The following DSCAM variants were observed in gnomAD, a reference collection of about 807,000 sequenced individuals.
The protein encoded by DSCAM is cell adhesion molecule DSCAM.
A neutral mutation model predicts 217.7 loss-of-function variants in DSCAM; 47 were observed. The observed-to-expected ratio is 0.22, with a 90% confidence interval of 0.17 to 0.28. The LOEUF (loss-of-function observed/expected upper bound fraction) is 0.28, where lower values mean the gene tolerates loss of function less well. DSCAM is among the 10% of genes least tolerant of loss of function. The probability of loss-of-function intolerance (pLI) is 1.00; values close to 1 mark genes in which losing one functional copy is unlikely to be tolerated. For synonymous variants in DSCAM, 1,056 were observed against 1,015.3 expected, an observed-to-expected ratio of 1.04 and a Z score of -0.76; for missense variants, 2,080 against 2,618.3, an observed-to-expected ratio of 0.79 and a Z score of 4.49.
At chr21:40,296,256 T>C in intron 9 of DSCAM, 82 bp from the exon 10 acceptor site, 1 of 1,449,580 alleles carries the variant, frequency 6.9e-7, no homozygotes, top group Non-Finnish European at 9.5e-7. Context: ...CTGAATCATT[T>C]TAATGAATAT....
At chr21:40,637,172 T>A (rs1267701450) in intron 3 of DSCAM, among the ~76,000 whole-genome samples, 15 of 27,948 alleles carry the variant, frequency 5.4e-4, no homozygotes, top group Non-Finnish European at 8.3e-4. Context: ...TATAAATATA[T>A]ATATAAATAT....
intron 3 of DSCAM, among the ~76,000 whole-genome samples, chr21:40,684,117 C>T (rs9977401): frequency 6.6e-6 from 1 of 151,092 alleles, no homozygotes; most frequent in African/African-American, 2.4e-5. Context: ...CCAGCTACTC[C>T]GGAGGCTGAG....
At chr21:40,223,655 A>G (rs2091307691) in intron 11 of DSCAM, among the ~76,000 whole-genome samples, 1 of 152,224 alleles carries the variant, frequency 6.6e-6, no homozygotes, top group East Asian at 1.9e-4. Context: ...TAAGTCATCA[A>G]TAGCGGTTGT....
chr21:40,013,103 T>A lies in DSCAM; in HGVS notation c.5970A>T (p.Glu1990Asp). The change falls in exon 33 of 33, where the codon GAA (glutamate) becomes GAT (aspartate). Residue 1990 changes from glutamate to aspartate, a missense_variant. Transcript: ENST00000400454. ...GQAAKMSSSQESLLDSRGHLK... is the reference protein window; with the variant it reads ...GQAAKMSSSQDSLLDSRGHLK... ...AATGGCCCCGGGAGTCGAGCAGTGA[T>A]TCTTGGGAGCTGCTCATTTTAGCTG... 6.2e-7 allele frequency: 1 copy of A among 1,602,436 alleles called. No homozygotes were observed.
chr21:40,088,046 C>T (rs993196981), intron 21 of DSCAM, among the ~76,000 whole-genome samples: 1 of 152,198 alleles, frequency 6.6e-6, no homozygotes, highest in Admixed American at 6.5e-5. Context: ...CACAAGTCTT[C>T]CAGAGGAAAA....
chr21:40,483,370 A>C (rs1273395398), intron 3 of DSCAM, among the ~76,000 whole-genome samples: 5 of 152,204 alleles, frequency 3.3e-5, no homozygotes, highest in Non-Finnish European at 7.4e-5. Flanking sequence ...TTATGATATT[A>C]CTGTGGGTTA....
chr21:40,400,600 A>G (rs2075224833), intron 3 of DSCAM, among the ~76,000 whole-genome samples: 1 of 152,222 alleles, frequency 6.6e-6, no homozygotes, highest in African/African-American at 2.4e-5. Flanking sequence ...CTTTTGTTGT[A>G]GAGACAAGGT....
intron 3 of DSCAM, among the ~76,000 whole-genome samples, chr21:40,544,800 T>C (rs563603512): frequency 6.6e-6 from 1 of 152,314 alleles, no homozygotes; most frequent in South Asian, 2.1e-4. Context: ...CAATTGAACC[T>C]TTCCAAATGA....
At chr21:40,346,883 C>T (rs1334279537) in intron 6 of DSCAM, among the ~76,000 whole-genome samples, 6 of 152,154 alleles carry the variant, frequency 3.9e-5, no homozygotes, top group Admixed American at 2.0e-4. Flanking sequence ...CCACTGGAGG[C>T]TATTGCCCCC....
chr21:40,790,894 C>T (rs2091636728), intron 1 of DSCAM, among the ~76,000 whole-genome samples: 1 of 151,980 alleles, frequency 6.6e-6, no homozygotes, highest in Admixed American at 6.6e-5. Context: ...TACATTCAAT[C>T]GGCCAGGTGC....
At chr21:40,170,071 G>A (rs2090639163) in intron 15 of DSCAM, among the ~76,000 whole-genome samples, 6 of 152,098 alleles carry the variant, frequency 3.9e-5, no homozygotes, top group Non-Finnish European at 1.5e-5. Flanking sequence ...GCACCTCGCC[G>A]TCCTCTCCAC....
chr21:40,620,073 AAG>A lies in DSCAM; in HGVS notation c.508+72735_508+72736del, dbSNP rs1238640098. On this transcript the variant is annotated intron_variant, in intron 3 of 32. Transcript: ENST00000400454. Reference sequence around the variant, plus strand: ...AAAAAGAAAAAGAAAGAAAGAGAGAAAGAGAAAAAAGAAAGAGAGAGAAAGAG... The same window carrying A: ...AAAAAGAAAAAGAAAGAAAGAGAGAAAGAAAAAAGAAAGAGAGAGAAAGAG... Among the ~76,000 whole-genome samples, 11 of 68,564 alleles carry A rather than the reference AAG, an allele frequency of 1.6e-4. 1 individual carries two copies. The highest frequency in any genetic ancestry group is 1.9e-4 in the Non-Finnish European group (6 of 32,196). The allele number at this position is 68,564 out of a possible 152,430, so 45.0% of individuals were successfully genotyped here.
At chr21:40,791,252 G>A (rs2091640121) in intron 1 of DSCAM, among the ~76,000 whole-genome samples, 2 of 152,116 alleles carry the variant, frequency 1.3e-5, no homozygotes, top group African/African-American at 2.4e-5. Flanking sequence ...ACGGCTGGAT[G>A]GCAGGTTGTG....
rs1315758508 is a variant in DSCAM at position 40,348,541 on chromosome 21, CATT to C, written c.935-599_935-597del. ...TATCCCATAAAGTTCCTATCAGCCA[CATT>C]ATTGCAATCATACTCCTAACAGTTC... On this transcript the variant is annotated intron_variant, in intron 5 of 32. Coordinates refer to ENST00000400454, the MANE Select transcript of DSCAM (RefSeq NM_001389.5). 5.9e-5 allele frequency among the ~76,000 whole-genome samples: 9 copies of C among 152,290 alleles called. No homozygotes were observed. The East Asian group carries it at 1.7e-3, about 29-fold the overall frequency.
intron 20 of DSCAM, among the ~76,000 whole-genome samples, chr21:40,109,437 T>C (rs2089865836): frequency 6.6e-6 from 1 of 152,136 alleles, no homozygotes; most frequent in Non-Finnish European, 1.5e-5. Context: ...ATCAGTGGTG[T>C]GGAGCCAAGA....
At chr21:40,694,613 T>C (rs1449254669) in intron 2 of DSCAM, among the ~76,000 whole-genome samples, 2 of 151,774 alleles carry the variant, frequency 1.3e-5, no homozygotes, top group Admixed American at 6.6e-5. Context: ...ACCAGAGAGA[T>C]TTTTCCAAGT....
At chr21:40,641,285 C>G (rs2089875657) in intron 3 of DSCAM, among the ~76,000 whole-genome samples, 1 of 151,952 alleles carries the variant, frequency 6.6e-6, no homozygotes, top group Non-Finnish European at 1.5e-5. Context: ...ACGTTTAAAT[C>G]TACCTCACGG....
chr21:40,591,125 A>C (rs2076981507), intron 3 of DSCAM, among the ~76,000 whole-genome samples: 1 of 152,082 alleles, frequency 6.6e-6, no homozygotes, highest in African/African-American at 2.4e-5. Flanking sequence ...TGTTTGGTAG[A>C]ACTTCCTGCA....
At chr21:40,263,112 C>G (rs751740584) in intron 11 of DSCAM, among the ~76,000 whole-genome samples, 1 of 152,256 alleles carries the variant, frequency 6.6e-6, no homozygotes, top group Non-Finnish European at 1.5e-5. Flanking sequence ...TAAAATATGT[C>G]TAAGTCCAAA....
Sources: gnomAD v4.1 joint callset for allele counts (sites outside exome capture counted in the v4.1 genomes callset) on GRCh38, gnomAD v4.1.1 for gene constraint, MANE v1.5 for transcripts, NCBI Gene and HGNC (gene_info 2026-07-23, HGNC 2026-07-21) for gene names.